DDX60L: variants seen among roughly 807,000 people sequenced by gnomAD.
DDX60L encodes DExD/H-box 60 like.
Under a neutral mutation model 211.6 loss-of-function variants are expected in DDX60L, and 191 were observed. That is an observed-to-expected ratio of 0.90 (90% CI 0.80 to 1.02). DDX60L has a LOEUF of 1.02. Ranked by LOEUF, DDX60L falls within the 50% of genes least tolerant of loss-of-function variation. DDX60L has a pLI of 0.00. For missense variants in DDX60L, 2,007 were observed against 1,984.1 expected, an observed-to-expected ratio of 1.01 and a Z score of -0.22; for synonymous variants, 706 against 694.1, an observed-to-expected ratio of 1.02 and a Z score of -0.27.
chr4:168,456,103 T>C lies in DDX60L; in HGVS notation c.773A>G (p.Asp258Gly). The C allele has an allele frequency of 6.3e-7, 1 of 1,596,206 alleles. No homozygotes were observed. Among genetic ancestry groups the C allele is most frequent in the Middle Eastern group, 1.7e-4 (1 of 6,026 alleles). The change falls in exon 7 of 38, where the codon GAC (aspartate) becomes GGC (glycine). Residue 258 changes from aspartate (D) to glycine (G), a missense_variant. Asp to Gly is a moderately conservative substitution (Grantham distance 94). Transcript: ENST00000682922. ...AGTGACACAGAGAACACGCTGGATGTCCGATCCTTCTGACCATAGGTGCTG... is the reference window on the plus strand; with the variant it reads ...AGTGACACAGAGAACACGCTGGATGCCCGATCCTTCTGACCATAGGTGCTG... ...LLQHLWSEGS[D>G]IQRVLCVTSC...
intron 24 of DDX60L, among the ~76,000 whole-genome samples, chr4:168,405,285 G>C (rs759480167): frequency 6.6e-6 from 1 of 152,092 alleles, no homozygotes; most frequent in Admixed American, 6.6e-5. Flanking sequence ...TGGGATTATA[G>C]GTGTGAGCCA....
chr4:168,361,295 C>A (rs1204506386), intron 36 of DDX60L, 84 bp from the exon 37 acceptor site: 17 of 859,428 alleles, frequency 2.0e-5, no homozygotes, highest in East Asian at 1.4e-4. Flanking sequence ...GTGGTCTGTC[C>A]ATGGCAGTTA....
At position 168,448,750 on chromosome 4, in the gene DDX60L, G is replaced by C. The variant is rs1424633230; in HGVS notation, c.1026C>G (p.Ser342Arg). ...TCCAGCATCCAAAAACGTTTAAGTT[G>C]CTTAAAATGAAATATTCACACCACT... ...MNKWCEYFIL[S>R]NLNVFGCWNL... The change falls in exon 9 of 38, where the codon AGC (serine) becomes AGG (arginine). Residue 342 changes from serine to arginine, a missense_variant. By Grantham distance (110) the Ser-to-Arg change is moderately radical. Coordinates refer to ENST00000682922, the MANE Select transcript of DDX60L (RefSeq NM_001012967.3). 1 of 1,605,928 alleles carries C rather than the reference G, an allele frequency of 6.2e-7. No homozygotes were observed. The highest frequency in any genetic ancestry group is 8.5e-7 in the Non-Finnish European group (1 of 1,174,570).
intron 1 of DDX60L, among the ~76,000 whole-genome samples, chr4:168,474,516 G>A (rs1759227310): frequency 1.3e-5 from 2 of 152,048 alleles, no homozygotes; most frequent in Non-Finnish European, 2.9e-5. Flanking sequence ...AATTCCACTA[G>A]AATTTTCATA....
In DDX60L at chr4:168,390,636, T is replaced by C. The variant is rs1010413530; in HGVS notation, c.3915+904A>G. 2.3e-5 allele frequency: 13 copies of C among 561,864 alleles called. No individual in the cohort carries two copies. In the African/African-American group the frequency reaches 3.4e-4, roughly 15 times the overall value. 34.8% of individuals were successfully genotyped at this position (561,864 alleles called of 1,614,324 possible). ...TTTCGAGACTAGGCAAAGATTATTG[T>C]CAGTTTTTTTTTTAGCAGTGTATAG... On this transcript the variant is annotated intron_variant, in intron 29 of 37. Coordinates refer to ENST00000682922, the MANE Select transcript of DDX60L (RefSeq NM_001012967.3).
In DDX60L at chr4:168,461,893, G is replaced by A. The variant is rs761849946; in HGVS notation, c.412C>T (p.His138Tyr). The A allele has an allele frequency of 1.2e-6, 2 of 1,611,712 alleles. No individual in the cohort carries two copies. The highest frequency in any genetic ancestry group is 2.2e-5 in the East Asian group (1 of 44,834). ...SQDWKLFLEQ[H>Y]YPYFLIVSEE... Reference sequence around the variant, plus strand: ...GAAACTATCAGAAAATACGGGTAATGCTGTTCCAAGAATAACTTCCAATCT... The same window carrying A: ...GAAACTATCAGAAAATACGGGTAATACTGTTCCAAGAATAACTTCCAATCT... The change falls in exon 5 of 38, where the codon CAT becomes TAT. Residue 138 changes from histidine to tyrosine, a missense_variant. His to Tyr is a moderately conservative substitution (Grantham distance 83). Coordinates refer to ENST00000682922, the MANE Select transcript of DDX60L (RefSeq NM_001012967.3).
chr4:168,426,766 C>T lies in DDX60L; in HGVS notation c.1930+304G>A, dbSNP rs181471645. Among the ~76,000 whole-genome samples the T allele has an allele frequency of 3.8e-3, 581 of 152,294 alleles. 2 individuals are homozygous for T. Among genetic ancestry groups the T allele is most frequent in the Middle Eastern group, 0.014 (4 of 294 alleles). On this transcript the variant is annotated intron_variant, in intron 14 of 37. Coordinates refer to ENST00000682922, the MANE Select transcript of DDX60L (RefSeq NM_001012967.3). ...ATAGGCCCTGTTGCTGCTGCTGAGCCTCACCTTGCTTTGCTGATCCCCTTA... is the reference window on the plus strand; with the variant it reads ...ATAGGCCCTGTTGCTGCTGCTGAGCTTCACCTTGCTTTGCTGATCCCCTTA...
At chr4:168,394,204 T>TA (rs578223585) in intron 28 of DDX60L, among the ~76,000 whole-genome samples, 4,989 of 139,730 alleles carry the variant, frequency 0.036, 273 homozygotes, top group African/African-American at 0.12. Context: ...TAATAAAAAT[T>TA]AAAAAAAAAA....
At position 168,423,598 on chromosome 4, in the gene DDX60L, G is replaced by T. The variant is rs372293709; in HGVS notation, c.2097+10C>A. On this transcript the variant is annotated intron_variant, in intron 15 of 37. Transcript: ENST00000682922. The stretch of plus-strand genomic sequence containing the variant: ...AAAATTTAAAGTATAAGAAATTCTA[G>T]TTCTCTTACCAGAGTTGGATCCAAA... 3.4e-5 allele frequency: 50 copies of T among 1,457,958 alleles called. No homozygotes were observed. Among genetic ancestry groups the T allele is most frequent in the Non-Finnish European group, 4.5e-5 (49 of 1,085,174 alleles). 90.3% of individuals were successfully genotyped at this position (1,457,958 alleles called of 1,614,324 possible). A position where few individuals can be genotyped will look rare whatever the true frequency, so the allele number is the denominator to read the frequency against.
chr4:168,471,786 A>C lies in DDX60L; in HGVS notation c.225T>G (p.Leu75=), dbSNP rs1758815803. The change falls in exon 4 of 38, where the codon CTT becomes CTG. Residue 75 remains leucine, a synonymous_variant. Coordinates refer to ENST00000682922, the MANE Select transcript of DDX60L (RefSeq NM_001012967.3). ...FYLVECYLVD[L]LSNGGQFTIV... Reference sequence around the variant, plus strand: ...TGGTGAATTGTCCTCCGTTACTCAGAAGATCCACAAGATAGCATTCAACCA... The same window carrying C: ...TGGTGAATTGTCCTCCGTTACTCAGCAGATCCACAAGATAGCATTCAACCA... 5 of 1,609,212 alleles carry C rather than the reference A, an allele frequency of 3.1e-6. No homozygotes were observed. The Admixed American group carries it at 8.6e-5, about 28-fold the overall frequency.
intron 4 of DDX60L, among the ~76,000 whole-genome samples, chr4:168,462,845 C>T (rs1322002523): frequency 2.0e-5 from 3 of 151,974 alleles, no homozygotes; most frequent in Admixed American, 6.6e-5. Context: ...GACACACATG[C>T]AGCCAGTAAG....
rs1750271677 is a variant in DDX60L at position 168,420,250 on chromosome 4, A to G, written c.2514+11T>C. 2 of 1,557,522 alleles carry G rather than the reference A, an allele frequency of 1.3e-6. No homozygotes were observed. The highest frequency in any genetic ancestry group is 2.4e-5 in the South Asian group (2 of 82,856). On this transcript the variant is annotated intron_variant, in intron 18 of 37. Transcript: ENST00000682922. ...AATTTGATAATAAACTCATTAATTAATATGTCATACCTGACAGTTTAGTAC... is the reference window on the plus strand; with the variant it reads ...AATTTGATAATAAACTCATTAATTAGTATGTCATACCTGACAGTTTAGTAC...
Position 168,356,773 on chromosome 4 carries a change from C to T in DDX60L, c.*1374G>A, listed in dbSNP as rs1405817297. 1.3e-5 allele frequency: 2 copies of T among 152,170 alleles called. No homozygotes were observed. Among genetic ancestry groups the T allele is most frequent in the East Asian group, 1.9e-4 (1 of 5,200 alleles). The allele number at this position is 152,170 out of a possible 1,614,324, so 9.4% of individuals were successfully genotyped here. A position where few individuals can be genotyped will look rare whatever the true frequency, so the allele number is the denominator to read the frequency against. On this transcript the variant is annotated 3_prime_UTR_variant, in exon 38 of 38. Transcript: ENST00000682922. ...CTTTATTTTCTGATGGGTGCCAAGT[C>T]ACTTACTACATAAACTACAACAATA...
At chr4:168,457,454 AAAAG>A (rs916382923) in intron 6 of DDX60L, among the ~76,000 whole-genome samples, 3 of 151,940 alleles carry the variant, frequency 2.0e-5, no homozygotes, top group African/African-American at 7.3e-5. Context: ...GAAAAAAAAA[AAAAG>A]AAAGAGGTGC....
rs756514461 is a variant in DDX60L at position 168,394,538 on chromosome 4, C to T, written c.3737G>A (p.Gly1246Glu). The change falls in exon 28 of 38, where the codon GGA (glycine) becomes GAA (glutamate). Residue 1246 changes from glycine (G) to glutamate (E), a missense_variant. Coordinates refer to ENST00000682922, the MANE Select transcript of DDX60L (RefSeq NM_001012967.3). ...ELKALAQRGI[G>E]YHHSSMYFKE... ...AAAATACATGCTGCTGTGATGATAT[C>T]CAATCCCCCTTTGTGCTAAAGCCTT... is the stretch of plus-strand genomic sequence containing the variant. 6.2e-7 allele frequency: 1 copy of T among 1,613,526 alleles called. No homozygotes were observed. The highest frequency in any genetic ancestry group is 1.3e-5 in the African/African-American group (1 of 74,910).
chr4:168,415,191 T>A (rs150031614), intron 22 of DDX60L, among the ~76,000 whole-genome samples: 1 of 151,906 alleles, frequency 6.6e-6, no homozygotes, highest in East Asian at 1.9e-4. Flanking sequence ...TATCAAAATA[T>A]CTCATGTGCC....
At chr4:168,379,635 T>A (rs1294594988) in intron 31 of DDX60L, 91 bp downstream of exon 31, 7 of 1,231,216 alleles carry the variant, frequency 5.7e-6, no homozygotes, top group Non-Finnish European at 7.9e-6. Context: ...TATCATTGAA[T>A]GCAGATTATA....
intron 22 of DDX60L, among the ~76,000 whole-genome samples, chr4:168,408,105 T>C (rs896706418): frequency 6.6e-6 from 1 of 152,216 alleles, no homozygotes; most frequent in Non-Finnish European, 1.5e-5. Flanking sequence ...ATTCTGTCTA[T>C]AAATGAAGCC....
At chr4:168,393,682 T>C (rs973313920) in intron 28 of DDX60L, among the ~76,000 whole-genome samples, 1 of 152,150 alleles carries the variant, frequency 6.6e-6, no homozygotes. Flanking sequence ...CCAAGTTCAT[T>C]TGGAGGTATC....
Sources: allele counts gnomAD v4.1 joint callset (sites outside exome capture counted in the v4.1 genomes callset), GRCh38; gene constraint gnomAD v4.1.1; transcripts MANE v1.5; gene names NCBI Gene and HGNC (gene_info 2026-07-23, HGNC 2026-07-21).